FBXW10: variants seen among roughly 807,000 people sequenced by gnomAD.
FBXW10 encodes F-box and WD repeat domain containing 10, also known as F-box/WD repeat-containing protein 10.
FBXW10 carries 68 observed loss-of-function variants against 113.1 expected under a neutral mutation model. That is an observed-to-expected ratio of 0.60 (90% confidence interval 0.49 to 0.74). The LOEUF is 0.74. Ranked by LOEUF, FBXW10 falls within the 30% of genes least tolerant of loss-of-function variation. The pLI, the probability that FBXW10 is intolerant of heterozygous loss-of-function variation, is 0.00. For synonymous variants in FBXW10, 289 were observed against 481.6 expected (o/e 0.60, Z 5.24); for missense variants, 753 against 1,284.5 (o/e 0.59, Z 6.32).
intron 13 of FBXW10, among the ~76,000 whole-genome samples, chr17:18,777,471 T>G (rs1226308589): frequency 6.6e-6 from 1 of 152,140 alleles, no homozygotes; most frequent in African/African-American, 2.4e-5. Context: ...AAAATAGTTA[T>G]GCTACTATAA....
intron 7 of FBXW10, among the ~76,000 whole-genome samples, chr17:18,761,270 T>G (rs2035377936): frequency 1.4e-5 from 2 of 146,802 alleles, no homozygotes; most frequent in Non-Finnish European, 3.0e-5. Context: ...TCACTTTTCT[T>G]TTTTTTTTTT....
intron 1 of FBXW10, among the ~76,000 whole-genome samples, chr17:18,747,052 G>A (rs934375422): frequency 4.0e-5 from 6 of 151,696 alleles, no homozygotes; most frequent in Non-Finnish European, 7.4e-5. Context: ...AGCCTCCCGA[G>A]TAGCTGGGAC....
chr17:18,754,079 G>T (rs1374849169), intron 5 of FBXW10, among the ~76,000 whole-genome samples: 1 of 152,116 alleles, frequency 6.6e-6, no homozygotes, highest in Non-Finnish European at 1.5e-5. Context: ...GCATTTACTT[G>T]ATTTCACCAT....
At chr17:18,751,335 C>T (rs924969333) in intron 5 of FBXW10, among the ~76,000 whole-genome samples, 2 of 152,022 alleles carry the variant, frequency 1.3e-5, no homozygotes, top group African/African-American at 4.8e-5. Context: ...ACGCCATTCT[C>T]CTGCCTCAGC....
chr17:18,772,223 C>T (rs2035627801), intron 11 of FBXW10, among the ~76,000 whole-genome samples, 189 bp from the exon 12 acceptor site: 1 of 152,212 alleles, frequency 6.6e-6, no homozygotes, highest in East Asian at 1.9e-4. Context: ...ACAAAGCTAA[C>T]GACTCCTGCT....
In FBXW10 at chr17:18,749,882, C is replaced by G; in HGVS notation, c.831C>G (p.Phe277Leu). ...LSSGFSKYRD[F>L]IRYLPIHLSK... Reference sequence around the variant, plus strand: ...CTGGGTTCAGCAAATACCGAGACTTCATCCGTTACCTGCCCATCCACCTCT... The same window carrying G: ...CTGGGTTCAGCAAATACCGAGACTTGATCCGTTACCTGCCCATCCACCTCT... Residue 277 changes from phenylalanine to leucine, a missense_variant, in exon 3 of 14, where the codon TTC (phenylalanine) becomes TTG (leucine). Phe to Leu is a conservative substitution (Grantham distance 22). Coordinates refer to ENST00000395665, the MANE Select transcript of FBXW10 (RefSeq NM_001267585.2). The G allele has an allele frequency of 1.9e-6, 3 of 1,614,040 alleles. No individual in the cohort carries two copies. Among genetic ancestry groups the G allele is most frequent in the Non-Finnish European group, 2.5e-6 (3 of 1,179,950 alleles).
At chr17:18,751,642 C>T (rs1205715905) in intron 5 of FBXW10, among the ~76,000 whole-genome samples, 3 of 152,188 alleles carry the variant, frequency 2.0e-5, no homozygotes, top group African/African-American at 7.2e-5. Context: ...TGTTTTGTGT[C>T]CATGGCACCA....
In FBXW10 at chr17:18,772,679, T is replaced by C. The variant is rs1342000002; in HGVS notation, c.2274T>C (p.Ser758=). 3.1e-6 allele frequency: 5 copies of C among 1,607,404 alleles called. No individual in the cohort carries two copies. The African/African-American group carries it at 6.7e-5, about 22-fold the overall frequency. The change falls in exon 12 of 14, where the codon TCT becomes TCC. Residue 758 remains serine (S), a synonymous_variant. Transcript: ENST00000395665. ...SRVLLKPAKF[S]SAVLIEELQS... is the part of the protein sequence containing the mutation. ...TACTCCTGAAGCCGGCCAAGTTCTC[T>C]TCAGGTAAAAAACTGAAATACCAGC... is the stretch of plus-strand genomic sequence containing the variant.
chr17:18,772,411 GGAT>G lies in FBXW10; in HGVS notation c.2008_2010del (p.Met670del), dbSNP rs770579718. 19 of 1,612,668 alleles carry G rather than the reference GGAT, an allele frequency of 1.2e-5. No homozygotes were observed. The Admixed American group carries it at 3.2e-4, about 27-fold the overall frequency. On this transcript the variant is annotated inframe_deletion and splice_region_variant, in exon 12 of 14. Coordinates refer to ENST00000395665, the MANE Select transcript of FBXW10 (RefSeq NM_001267585.2). ...GGACAACCCTGTTGTTTCGGTTCCA[GGAT>G]GGTGGTCAACACAGAGAGCAATGTT...
intron 13 of FBXW10, among the ~76,000 whole-genome samples, chr17:18,775,960 C>T (rs147227828): frequency 5.8e-4 from 87 of 151,182 alleles, no homozygotes; most frequent in Middle Eastern, 3.4e-3. Context: ...AGGAGCTTGA[C>T]GTTACAGTGA....
Position 18,747,953 on chromosome 17 carries a change from A to G in FBXW10, c.518A>G (p.Asp173Gly). The change falls in exon 2 of 14, where the codon GAC becomes GGC. Residue 173 changes from aspartate to glycine, a missense_variant. Transcript: ENST00000395665. ...TTCTGTGTTTCAGGGCTCAATCAAG[A>G]CATCACAGATGTGTGTTTTTCCCCT... ...EENNISGLNQ[D>G]ITDVCFSPEK... is the part of the protein sequence containing the mutation. The G allele has an allele frequency of 6.2e-7, 1 of 1,613,848 alleles. No individual in the cohort carries two copies. Among genetic ancestry groups the G allele is most frequent in the Non-Finnish European group, 8.5e-7 (1 of 1,179,834 alleles).
At chr17:18,766,493 C>CCT (rs2035498687) in intron 8 of FBXW10, among the ~76,000 whole-genome samples, 1 of 152,120 alleles carries the variant, frequency 6.6e-6, no homozygotes. Context: ...TTGTGGGCTC[C>CCT]CTCAACCACC....
chr17:18,749,810 T>G lies in FBXW10; in HGVS notation c.759T>G (p.Asp253Glu). Residue 253 changes from aspartate to glutamate, a missense_variant, in exon 3 of 14, where the codon GAT (aspartate) becomes GAG (glutamate). Physicochemically the swap from Asp to Glu is conservative, Grantham distance 45. Transcript: ENST00000395665. ...GAGACATAACCAAGCCAGGGTACGATCCCTGCAATCTATTGGTTGACCTGG... is the reference window on the plus strand; with the variant it reads ...GAGACATAACCAAGCCAGGGTACGAGCCCTGCAATCTATTGGTTGACCTGG... ...GKGDITKPGY[D>E]PCNLLVDLDD... 1 of 1,614,198 alleles carries G rather than the reference T, an allele frequency of 6.2e-7. No homozygotes were observed. The highest frequency in any genetic ancestry group is 8.5e-7 in the Non-Finnish European group (1 of 1,180,032).
intron 6 of FBXW10, among the ~76,000 whole-genome samples, 198 bp downstream of exon 6, chr17:18,756,352 T>G (rs1310107498): frequency 6.6e-6 from 1 of 152,258 alleles, no homozygotes; most frequent in African/African-American, 2.4e-5. Flanking sequence ...TAAAGGACAC[T>G]TTCCCTTTCT....
chr17:18,768,933 GA>G (rs2035556114), intron 10 of FBXW10, among the ~76,000 whole-genome samples: 1 of 88,514 alleles, frequency 1.1e-5, no homozygotes, highest in Non-Finnish European at 2.5e-5. Context: ...AGAAGTTATT[GA>G]TTTTTTTTTT....
chr17:18,773,085 C>T (rs891233430), intron 12 of FBXW10, among the ~76,000 whole-genome samples: 8 of 151,864 alleles, frequency 5.3e-5, no homozygotes, highest in African/African-American at 1.2e-4. Flanking sequence ...TGCACCACCA[C>T]GACTGGCTAA....
At chr17:18,770,306 CT>C (rs60946049) in intron 11 of FBXW10, among the ~76,000 whole-genome samples, 74 of 136,594 alleles carry the variant, frequency 5.4e-4, no homozygotes, top group Admixed American at 1.5e-3. Flanking sequence ...TTCATTTTGA[CT>C]TTTTTTTTTT....
At chr17:18,744,840 C>T (rs1324716017) in intron 1 of FBXW10, 91 bp downstream of exon 1, 10 of 1,548,800 alleles carry the variant, frequency 6.5e-6, no homozygotes, top group Non-Finnish European at 7.8e-6. Context: ...TTGTAGACAA[C>T]ATAGGTAGAC....
At chr17:18,773,529 T>C (rs1567625943) in intron 12 of FBXW10, among the ~76,000 whole-genome samples, 1 of 152,204 alleles carries the variant, frequency 6.6e-6, no homozygotes. Context: ...GGTGCAGGCA[T>C]GGCCAATGCC....
Sources: allele counts gnomAD v4.1 joint callset (sites outside exome capture counted in the v4.1 genomes callset), GRCh38; gene constraint gnomAD v4.1.1; transcripts MANE v1.5; gene names NCBI Gene and HGNC (gene_info 2026-07-23, HGNC 2026-07-21).